The following KCNQ5 variants were observed in gnomAD, a reference collection of about 807,000 sequenced individuals.
KCNQ5 encodes potassium voltage-gated channel subfamily KQT member 5.
A neutral mutation model predicts 98.2 loss-of-function variants in KCNQ5; 30 were observed. The ratio of observed to expected loss-of-function variants is 0.31; its 90% confidence interval spans 0.23 to 0.41. The LOEUF (loss-of-function observed/expected upper bound fraction) is 0.41, where lower values mean the gene tolerates loss of function less well. KCNQ5 is among the 10% of genes least tolerant of loss of function. The pLI is 1.00. For synonymous variants in KCNQ5, 458 were observed against 449.4 expected, an observed-to-expected ratio of 1.02 and a Z score of -0.24; for missense variants, 835 against 1,182.5, an observed-to-expected ratio of 0.71 and a Z score of 4.31.
chr6:73,109,076 G>A (rs1775121142), intron 6 of KCNQ5, among the ~76,000 whole-genome samples: 1 of 152,214 alleles, frequency 6.6e-6, no homozygotes, highest in Admixed American at 6.5e-5. Context: ...TGTGTACTAA[G>A]AGAGAGGTGG....
chr6:72,745,684 T>C (rs755716053), intron 1 of KCNQ5, among the ~76,000 whole-genome samples: 54 of 152,326 alleles, frequency 3.5e-4, no homozygotes, highest in Middle Eastern at 3.4e-3. Flanking sequence ...TCGTATTTGT[T>C]TCCTTTGGAT....
At chr6:72,682,811 G>T (rs1374495981) in intron 1 of KCNQ5, among the ~76,000 whole-genome samples, 1 of 152,212 alleles carries the variant, frequency 6.6e-6, no homozygotes, top group South Asian at 2.1e-4. Flanking sequence ...CAAGGCCAGG[G>T]TGGCGAGGAT....
chr6:73,149,658 G>A (rs1777065754), intron 10 of KCNQ5, among the ~76,000 whole-genome samples: 2 of 152,090 alleles, frequency 1.3e-5, no homozygotes, highest in Admixed American at 6.5e-5. Context: ...TTAGCTGGGC[G>A]ATGTGGCAGT....
chr6:72,950,711 C>T (rs1004176914), intron 1 of KCNQ5, among the ~76,000 whole-genome samples: 3 of 152,142 alleles, frequency 2.0e-5, no homozygotes, highest in Non-Finnish European at 4.4e-5. Flanking sequence ...GAAGTGAATT[C>T]CAAGGGCTGG....
chr6:72,856,624 T>C (rs1362157044), intron 1 of KCNQ5, among the ~76,000 whole-genome samples: 1 of 152,310 alleles, frequency 6.6e-6, no homozygotes, highest in South Asian at 2.1e-4. Context: ...AGACTAGTGA[T>C]GGAAATTTGT....
intron 1 of KCNQ5, among the ~76,000 whole-genome samples, chr6:72,645,541 C>T (rs1765555770): frequency 6.6e-6 from 1 of 152,078 alleles, no homozygotes; most frequent in Non-Finnish European, 1.5e-5. Flanking sequence ...ATTAAGTCAG[C>T]ATATGACATA....
At chr6:73,112,634 G>A (rs1236218622) in intron 7 of KCNQ5, among the ~76,000 whole-genome samples, 1 of 152,076 alleles carries the variant, frequency 6.6e-6, no homozygotes, top group Non-Finnish European at 1.5e-5. Flanking sequence ...CATGAGCCAC[G>A]GCTCCCGGCC....
chr6:72,789,032 T>C (rs760648674), intron 1 of KCNQ5, among the ~76,000 whole-genome samples: 1 of 152,218 alleles, frequency 6.6e-6, no homozygotes, highest in Non-Finnish European at 1.5e-5. Context: ...GTCCAAACCA[T>C]ACTTTCTGAT....
chr6:72,801,172 G>A (rs1439004934), intron 1 of KCNQ5, among the ~76,000 whole-genome samples: 2 of 150,994 alleles, frequency 1.3e-5, no homozygotes, highest in Non-Finnish European at 3.0e-5. Flanking sequence ...TTCAATTCCT[G>A]GGTATCCTTG....
intron 1 of KCNQ5, among the ~76,000 whole-genome samples, chr6:72,777,281 A>T (rs1050591462): frequency 1.3e-5 from 2 of 152,224 alleles, no homozygotes; most frequent in Non-Finnish European, 2.9e-5. Context: ...CCTATCAAAG[A>T]GGTTACTATA....
chr6:72,665,267 G>T (rs920517249), intron 1 of KCNQ5, among the ~76,000 whole-genome samples: 5 of 147,490 alleles, frequency 3.4e-5, no homozygotes, highest in African/African-American at 1.2e-4. Context: ...AAAATCACTT[G>T]AACCTGGGAG....
intron 1 of KCNQ5, among the ~76,000 whole-genome samples, chr6:72,979,859 G>A (rs1421544141): frequency 6.6e-6 from 1 of 152,176 alleles, no homozygotes; most frequent in African/African-American, 2.4e-5. Flanking sequence ...TGTATAAGGT[G>A]TAAGGAAGGG....
Position 72,658,304 on chromosome 6 carries a change from G to A in KCNQ5, c.398+35717G>A, listed in dbSNP as rs954008066. On this transcript the variant is annotated intron_variant, in intron 1 of 13. Transcript: ENST00000370398. The stretch of plus-strand genomic sequence containing the variant: ...TATTTTTTATTTATTTTTTTGAGAC[G>A]GGGTCTTGCTCTGTCACCCAGGCTG... 2.5e-4 allele frequency among the ~76,000 whole-genome samples: 38 copies of A among 150,538 alleles called. No homozygotes were observed. The East Asian group carries it at 2.9e-3, about 12-fold the overall frequency.
chr6:72,747,757 A>G (rs1239346492), intron 1 of KCNQ5, among the ~76,000 whole-genome samples: 1 of 152,174 alleles, frequency 6.6e-6, no homozygotes, highest in African/African-American at 2.4e-5. Context: ...TAATTCTTAT[A>G]CTGTATTTTT....
At chr6:72,810,387 T>C (rs1200094009) in intron 1 of KCNQ5, among the ~76,000 whole-genome samples, 1 of 152,200 alleles carries the variant, frequency 6.6e-6, no homozygotes, top group Non-Finnish European at 1.5e-5. Flanking sequence ...CTAGAGCTAA[T>C]AGGACATTTT....
At chr6:72,773,464 C>T (rs1194296950) in intron 1 of KCNQ5, among the ~76,000 whole-genome samples, 2 of 151,896 alleles carry the variant, frequency 1.3e-5, no homozygotes, top group Non-Finnish European at 2.9e-5. Flanking sequence ...GGGTGGGAAG[C>T]TAGGGGAGGG....
At chr6:73,134,466 C>T (rs1776380420) in intron 10 of KCNQ5, 1 of 152,568 alleles carries the variant, frequency 6.6e-6, no homozygotes, top group Admixed American at 6.5e-5. Context: ...TCCTAAATAA[C>T]GTGTATTTTC....
At position 72,622,684 on chromosome 6, in the gene KCNQ5, G is replaced by T. The variant is rs1323325585; in HGVS notation, c.398+97G>T. 3.7e-6 allele frequency: 5 copies of T among 1,360,350 alleles called. No homozygotes were observed. The East Asian group carries it at 1.2e-4, about 34-fold the overall frequency. The allele number at this position is 1,360,350 out of a possible 1,614,324, so 84.3% of individuals were successfully genotyped here. On this transcript the variant is annotated intron_variant, in intron 1 of 13. Transcript: ENST00000370398. The surrounding 1 kb of genome is among the most constrained non-coding windows in gnomAD (Gnocchi z 6.0). ...CGCTCGCGCCCTTGGGCCCCCGCGC[G>T]CGTGCACACGTGGTGGCTTTTATTT...
chr6:72,685,666 A>AGTATACAGAATTCCATCAAATG (rs1437509009), intron 1 of KCNQ5, among the ~76,000 whole-genome samples: 4 of 152,218 alleles, frequency 2.6e-5, no homozygotes, highest in African/African-American at 9.6e-5. Flanking sequence ...TCATTTTCAT[A>AGTATACAGAATTCCATCAAATG]GTATACAGAA....
Sources: allele counts gnomAD v4.1 joint callset (sites outside exome capture counted in the v4.1 genomes callset), GRCh38; gene constraint gnomAD v4.1.1; non-coding constraint Gnocchi (gnomAD v3.1); transcripts MANE v1.5; gene names NCBI Gene and HGNC (gene_info 2026-07-23, HGNC 2026-07-21).